Variants in BNC2 observed in about 807,000 individuals in gnomAD.
BNC2 encodes the protein zinc finger protein basonuclin-2.
Under a neutral mutation model 76.3 loss-of-function variants are expected in BNC2, and 20 were observed. The ratio of observed to expected loss-of-function variants is 0.26; its 90% CI spans 0.18 to 0.38. BNC2 has a LOEUF of 0.38. Ranked by LOEUF, BNC2 falls within the 10% of genes least tolerant of loss-of-function variation. BNC2 has a pLI of 1.00. For synonymous variants in BNC2, 582 were observed against 514.8 expected, an observed-to-expected ratio of 1.13 and a Z score of -1.77; for missense variants, 1,382 against 1,399.8, an observed-to-expected ratio of 0.99 and a Z score of 0.20.
At chr9:16,734,551 CA>C (rs1296402759) in intron 2 of BNC2, among the ~76,000 whole-genome samples, 1 of 152,150 alleles carries the variant, frequency 6.6e-6, no homozygotes, top group African/African-American at 2.4e-5. Context: ...TTTCAACATA[CA>C]GAAGGCTTCA....
intron 1 of BNC2, among the ~76,000 whole-genome samples, chr9:16,806,446 AC>A (rs1817914952): frequency 6.6e-6 from 1 of 152,252 alleles, no homozygotes; most frequent in Non-Finnish European, 1.5e-5. Context: ...TTGAAGGTTC[AC>A]TTGGAACATA....
At chr9:16,834,613 T>C (rs1277270119) in intron 1 of BNC2, among the ~76,000 whole-genome samples, 1 of 152,200 alleles carries the variant, frequency 6.6e-6, no homozygotes, top group Admixed American at 6.5e-5. Context: ...AAGCCAATGT[T>C]TGCCTTCCAC....
chr9:16,746,131 C>T (rs10738456), intron 1 of BNC2, among the ~76,000 whole-genome samples: 130,878 of 152,068 alleles, frequency 0.86, 56,712 homozygotes, highest in Non-Finnish European at 0.91. Flanking sequence ...CCATTTTTCA[C>T]GAATTGGTTC....
rs58429604 is a variant in BNC2, at chr9:16,442,935, G to A, written c.670-5411C>T. Among the ~76,000 whole-genome samples, 1,466 of 151,654 alleles carry A rather than the reference G, an allele frequency of 9.7e-3. 21 individuals are homozygous for A. The highest frequency in any genetic ancestry group is 0.033 in the African/African-American group (1,379 of 41,342). On this transcript the variant is annotated intron_variant, in intron 5 of 6. Coordinates refer to ENST00000380672, the MANE Select transcript of BNC2 (RefSeq NM_017637.6). ...AGCCTGGCCAACACCATGAAAACCC[G>A]TCTCTACTAAAAATACAAAAAAATT...
At chr9:16,637,596 G>C (rs917518555) in intron 3 of BNC2, among the ~76,000 whole-genome samples, 2 of 152,054 alleles carry the variant, frequency 1.3e-5, no homozygotes, top group African/African-American at 4.8e-5. Context: ...AAATTTCTGA[G>C]GCTGGCCAAA....
chr9:16,771,777 T>C (rs963873110), intron 1 of BNC2, among the ~76,000 whole-genome samples: 2 of 152,184 alleles, frequency 1.3e-5, no homozygotes, highest in South Asian at 4.1e-4. Context: ...AAAGGCATCT[T>C]TTGCTAAATG....
chr9:16,816,268 T>C (rs1818180099), intron 1 of BNC2, among the ~76,000 whole-genome samples: 1 of 152,184 alleles, frequency 6.6e-6, no homozygotes, highest in Admixed American at 6.5e-5. Context: ...GACCTCTTTT[T>C]AACCAGTGTT....
chr9:16,661,732 A>G (rs78187979), intron 3 of BNC2, among the ~76,000 whole-genome samples: 3,141 of 152,312 alleles, frequency 0.021, 50 homozygotes, highest in South Asian at 0.075. Context: ...CCTGAACTTA[A>G]AAACATCAAT....
At chr9:16,511,083 C>T (rs918439801) in intron 5 of BNC2, among the ~76,000 whole-genome samples, 3 of 148,872 alleles carry the variant, frequency 2.0e-5, no homozygotes, top group Non-Finnish European at 4.4e-5. Flanking sequence ...CTCAGAAAAG[C>T]TAATGGAGAT....
chr9:16,473,227 C>A (rs1442838055), intron 5 of BNC2: 1 of 152,122 alleles, frequency 6.6e-6, no homozygotes, highest in Admixed American at 6.5e-5. Flanking sequence ...ATGCCATGGA[C>A]GAAGAGTCAG....
intron 3 of BNC2, among the ~76,000 whole-genome samples, chr9:16,679,298 A>G (rs933778685): frequency 6.6e-6 from 1 of 152,208 alleles, no homozygotes; most frequent in African/African-American, 2.4e-5. Flanking sequence ...ATAATATAAA[A>G]ATTCATTAAA....
chr9:16,551,415 G>A (rs1366216215), intron 5 of BNC2, among the ~76,000 whole-genome samples: 3 of 152,178 alleles, frequency 2.0e-5, no homozygotes, highest in African/African-American at 7.2e-5. Context: ...GTAGACTGAG[G>A]CTCCCCACTC....
chr9:16,424,166 T>C (rs1587010287), intron 6 of BNC2, among the ~76,000 whole-genome samples: 1 of 151,938 alleles, frequency 6.6e-6, no homozygotes. Context: ...TTAGATTTAA[T>C]GTGATGTCTG....
chr9:16,549,308 G>A lies in BNC2; in HGVS notation c.669+3222C>T, dbSNP rs534085651. Among the ~76,000 whole-genome samples, 7 of 152,276 alleles carry A rather than the reference G, an allele frequency of 4.6e-5. No homozygotes were observed. In the South Asian group the frequency reaches 1.5e-3, roughly 32 times the overall value. On this transcript the variant is annotated intron_variant, in intron 5 of 6. Transcript: ENST00000380672. ...CTTCATTTGCCCAGGAACACAATCT[G>A]TAGCCAACTGCTAACCAAGTCAATA...
intron 1 of BNC2, among the ~76,000 whole-genome samples, chr9:16,804,521 G>A (rs1817857306): frequency 6.6e-6 from 1 of 152,178 alleles, no homozygotes; most frequent in South Asian, 2.1e-4. Context: ...CTCAGCACAT[G>A]ACCGCTCATG....
At chr9:16,473,842 C>T (rs1378287865) in intron 5 of BNC2, among the ~76,000 whole-genome samples, 1 of 151,976 alleles carries the variant, frequency 6.6e-6, no homozygotes, top group African/African-American at 2.4e-5. Flanking sequence ...CACTGCACTC[C>T]AGCCTGGGCA....
Position 16,738,399 on chromosome 9 carries a change from G to A in BNC2, c.90C>T (p.Phe30=). ...RLSEQDWPAY[F]KVPCCGVDTS... ...TATCAACCCCACAACATGGGACCTT[G>A]AAATATGCTGGCCAGTCTTGCTCAC... is the stretch of plus-strand genomic sequence containing the variant. Residue 30 remains phenylalanine, a synonymous_variant, in exon 2 of 7, where the codon TTC becomes TTT. Transcript: ENST00000380672. The A allele has an allele frequency of 6.2e-7, 1 of 1,614,060 alleles. No individual in the cohort carries two copies. Among genetic ancestry groups the A allele is most frequent in the South Asian group, 1.1e-5 (1 of 91,056 alleles).
intron 1 of BNC2, among the ~76,000 whole-genome samples, chr9:16,786,318 C>T (rs568110843): frequency 1.3e-5 from 2 of 152,006 alleles, no homozygotes; most frequent in Non-Finnish European, 2.9e-5. Flanking sequence ...AAAGACTGAG[C>T]CATTGGAGAA....
chr9:16,695,262 T>C (rs1371880723), intron 3 of BNC2, among the ~76,000 whole-genome samples: 1 of 152,192 alleles, frequency 6.6e-6, no homozygotes, highest in African/African-American at 2.4e-5. Flanking sequence ...ACTTACCCAA[T>C]GGTAAGTAAT....
Sources: allele counts gnomAD v4.1 joint callset (sites outside exome capture counted in the v4.1 genomes callset), GRCh38; gene constraint gnomAD v4.1.1; transcripts MANE v1.5; gene names NCBI Gene and HGNC (gene_info 2026-07-23, HGNC 2026-07-21).